Variants in SGK3 observed in about 807,000 individuals in gnomAD.
The protein encoded by SGK3 is serum/glucocorticoid regulated kinase family member 3.
A neutral mutation model predicts 68.5 loss-of-function variants in SGK3; 47 were observed. That is an observed-to-expected ratio of 0.69 (90% confidence interval 0.54 to 0.87). The LOEUF is 0.87. SGK3 is among the 40% of genes least tolerant of loss of function. The pLI, the probability that SGK3 is intolerant of heterozygous loss-of-function variation, is 0.00. For missense variants in SGK3, 479 were observed against 575.5 expected (o/e 0.83, Z 1.72); for synonymous variants, 181 against 189.1 (o/e 0.96, Z 0.35).
chr8:66,780,895 G>C (rs1190432540), intron 1 of SGK3, among the ~76,000 whole-genome samples: 1 of 152,148 alleles, frequency 6.6e-6, no homozygotes, highest in East Asian at 1.9e-4. Flanking sequence ...GTTTAGAATG[G>C]AAGCAGAGAG....
chr8:66,825,174 A>G (rs1809001570), intron 6 of SGK3, among the ~76,000 whole-genome samples: 1 of 152,166 alleles, frequency 6.6e-6, no homozygotes, highest in South Asian at 2.1e-4. Flanking sequence ...TGTTGGCTTT[A>G]AATCTGAGTT....
chr8:66,763,869 ATT>A (rs1180626072), intron 1 of SGK3, among the ~76,000 whole-genome samples: 1 of 151,956 alleles, frequency 6.6e-6, no homozygotes, highest in Non-Finnish European at 1.5e-5. Flanking sequence ...AAAAGTTATT[ATT>A]ACTGTTATTA....
chr8:66,800,455 A>G (rs867359802), intron 3 of SGK3, among the ~76,000 whole-genome samples: 2 of 140,844 alleles, frequency 1.4e-5, no homozygotes, highest in Non-Finnish European at 3.0e-5. Flanking sequence ...TTACATATGT[A>G]TACATGTGCC....
intron 1 of SGK3, among the ~76,000 whole-genome samples, chr8:66,783,114 A>G (rs904260190): frequency 3.9e-5 from 6 of 152,222 alleles, no homozygotes; most frequent in African/African-American, 1.4e-4. Flanking sequence ...AGTTCCTGCT[A>G]TTCCCTATCC....
intron 14 of SGK3, among the ~76,000 whole-genome samples, chr8:66,846,048 A>G (rs1271912135): frequency 6.6e-6 from 1 of 152,194 alleles, no homozygotes; most frequent in African/African-American, 2.4e-5. Flanking sequence ...CACAAGGGTA[A>G]AATATTAGAG....
At chr8:66,804,597 A>C (rs1366846433) in intron 4 of SGK3, 150 bp downstream of exon 4, 2 of 778,164 alleles carry the variant, frequency 2.6e-6, no homozygotes, top group Non-Finnish European at 3.9e-6. Context: ...CTTACTGTCT[A>C]CTAGGCATTG....
chr8:66,766,652 A>G (rs1213937094), intron 1 of SGK3, among the ~76,000 whole-genome samples: 1 of 152,092 alleles, frequency 6.6e-6, no homozygotes, highest in Non-Finnish European at 1.5e-5. Context: ...TCTAACTATA[A>G]TTGTGGGTGT....
At position 66,859,608 on chromosome 8, in the gene SGK3, G is replaced by A. The variant is rs1337381246; in HGVS notation, c.*27G>A. The stretch of plus-strand genomic sequence containing the variant: ...CAGTTTGCCATTCAGAAACCATTGA[G>A]CAAAATAAGTCTATAGATGGGACTG... On this transcript the variant is annotated 3_prime_UTR_variant, in exon 17 of 17. Transcript: ENST00000521198. 1.3e-6 allele frequency: 2 copies of A among 1,596,314 alleles called. No individual in the cohort carries two copies. The highest frequency in any genetic ancestry group is 3.4e-5 in the Admixed American group (2 of 59,672).
At chr8:66,761,446 CAG>C (rs1268831641) in intron 1 of SGK3, among the ~76,000 whole-genome samples, 1 of 152,116 alleles carries the variant, frequency 6.6e-6, no homozygotes, top group East Asian at 1.9e-4. Flanking sequence ...AATGTCAACA[CAG>C]AGAAAAAGGC....
At chr8:66,819,046 A>G (rs1262774488) in intron 5 of SGK3, among the ~76,000 whole-genome samples, 1 of 152,240 alleles carries the variant, frequency 6.6e-6, no homozygotes, top group African/African-American at 2.4e-5. Context: ...TGCTTACCTC[A>G]TTAACACTTA....
At chr8:66,755,215 C>T (rs185024315) in intron 1 of SGK3, among the ~76,000 whole-genome samples, 2 of 150,478 alleles carry the variant, frequency 1.3e-5, no homozygotes, top group African/African-American at 2.4e-5. Flanking sequence ...GCCGAGATCA[C>T]ACCACTGCAC....
chr8:66,846,418 G>C (rs548403869), intron 14 of SGK3, among the ~76,000 whole-genome samples: 1 of 152,084 alleles, frequency 6.6e-6, no homozygotes, highest in Non-Finnish European at 1.5e-5. Context: ...AGGTTTAACC[G>C]ATTCTCATGC....
intron 10 of SGK3, among the ~76,000 whole-genome samples, chr8:66,836,959 A>G (rs1222673310): frequency 2.6e-5 from 4 of 152,070 alleles, no homozygotes; most frequent in Non-Finnish European, 5.9e-5. Context: ...TCTGATTCAG[A>G]TGGATATTGA....
rs1810732818 is a variant in SGK3 at position 66,861,139 on chromosome 8, TA to T, written c.*1563del. 2 of 151,918 alleles carry T rather than the reference TA, an allele frequency of 1.3e-5. No individual in the cohort carries two copies. Among genetic ancestry groups the T allele is most frequent in the South Asian group, 2.1e-4 (1 of 4,814 alleles). The allele number at this position is 151,918 out of a possible 1,614,324, so 9.4% of individuals were successfully genotyped here. ...GACCCTAGTTAAGAGAAAAAAAAAG[TA>T]AAAACAAATTGTGGGTCAAAGTAAA... On this transcript the variant is annotated 3_prime_UTR_variant, in exon 17 of 17. Coordinates refer to ENST00000521198, the MANE Select transcript of SGK3 (RefSeq NM_001033578.3).
chr8:66,826,785 C>T (rs1809076324), intron 6 of SGK3, among the ~76,000 whole-genome samples: 1 of 152,026 alleles, frequency 6.6e-6, no homozygotes, highest in Non-Finnish European at 1.5e-5. Context: ...GCTGGGATTA[C>T]AGGTGCCCAT....
chr8:66,775,601 CCA>C (rs1228402786), intron 1 of SGK3: 2 of 152,250 alleles, frequency 1.3e-5, no homozygotes, highest in African/African-American at 2.4e-5. Context: ...TTGAGTTGTT[CCA>C]CACACACCCC....
intron 1 of SGK3, among the ~76,000 whole-genome samples, chr8:66,752,831 A>C (rs1039677516): frequency 8.6e-5 from 13 of 151,960 alleles, no homozygotes; most frequent in African/African-American, 3.1e-4. Flanking sequence ...GGGAGTTTGA[A>C]GGGAGTGGGA....
chr8:66,858,614 G>A (rs1810621477), intron 16 of SGK3, among the ~76,000 whole-genome samples: 2 of 152,118 alleles, frequency 1.3e-5, no homozygotes, highest in South Asian at 4.1e-4. Flanking sequence ...ATCTCTGTTT[G>A]TGAGCCTTCC....
intron 15 of SGK3, among the ~76,000 whole-genome samples, chr8:66,850,215 T>C (rs1318489153): frequency 6.6e-6 from 1 of 152,248 alleles, no homozygotes; most frequent in Non-Finnish European, 1.5e-5. Flanking sequence ...TTTTCAGACC[T>C]CTGGTGAGAT....
Sources: gnomAD v4.1 joint callset for allele counts (sites outside exome capture counted in the v4.1 genomes callset) on GRCh38, gnomAD v4.1.1 for gene constraint, MANE v1.5 for transcripts, NCBI Gene and HGNC (gene_info 2026-07-23, HGNC 2026-07-21) for gene names.